MED24: variants seen among roughly 807,000 people sequenced by gnomAD.
The protein encoded by MED24 is mediator of RNA polymerase II transcription subunit 24.
Under a neutral mutation model 118.8 loss-of-function variants are expected in MED24, and 74 were observed. The ratio of observed to expected loss-of-function variants is 0.62; its 90% CI spans 0.52 to 0.76. The LOEUF (loss-of-function observed/expected upper bound fraction) is 0.76, where lower values mean the gene tolerates loss of function less well. Ranked by LOEUF, MED24 falls within the 30% of genes least tolerant of loss-of-function variation. The pLI is 0.00. For synonymous variants in MED24, 521 were observed against 523.9 expected (o/e 0.99, Z 0.08); for missense variants, 1,041 against 1,278.9 (o/e 0.81, Z 2.84).
In MED24 at chr17:40,032,807, C is replaced by T. The variant is rs767009097; in HGVS notation, c.823-45G>A. On this transcript the variant is annotated intron_variant, in intron 8 of 25. Transcript: ENST00000394128. The stretch of plus-strand genomic sequence containing the variant: ...TGAGGCCTAAGAGGGTGCCCATACC[C>T]CGTCACCCTTCTGTGGACTCTGAGG... 1.8e-5 allele frequency: 28 copies of T among 1,525,318 alleles called. No homozygotes were observed. In the South Asian group the frequency reaches 2.8e-4, roughly 15 times the overall value. The allele number at this position is 1,525,318 out of a possible 1,614,324, so 94.5% of individuals were successfully genotyped here. A position where few individuals can be genotyped will look rare whatever the true frequency, so the allele number is the denominator to read the frequency against.
At position 40,028,882 on chromosome 17, in the gene MED24, C is replaced by T; in HGVS notation, c.1353G>A (p.Leu451=). The change falls in exon 14 of 26, where the codon CTG becomes CTA. Residue 451 remains leucine, a synonymous_variant. Transcript: ENST00000394128. ...TTCCAGTGGCGGCGGCGGCAGCCAG[C>T]AGCAAGTCCAGACTCTTCCCGGACA... The part of the protein sequence containing the change: ...HMLSGKSLDL[L]LAAAAATGKL... 6.2e-7 allele frequency: 1 copy of T among 1,614,124 alleles called. No individual in the cohort carries two copies. Among genetic ancestry groups the T allele is most frequent in the Non-Finnish European group, 8.5e-7 (1 of 1,179,974 alleles).
rs536904931 is a variant in MED24 at position 40,027,506 on chromosome 17, G to T, written c.1448-41C>A. 6.4e-6 allele frequency: 10 copies of T among 1,564,918 alleles called. No homozygotes were observed. In the African/African-American group the frequency reaches 9.5e-5, roughly 15 times the overall value. The stretch of plus-strand genomic sequence containing the variant: ...AAGGCTGAGCTCCCAGACGAGGGCA[G>T]GGGGGAGCCCGTGTCTGGGTTGACA... On this transcript the variant is annotated intron_variant, in intron 15 of 25. Transcript: ENST00000394128.
chr17:40,027,901 T>C lies in MED24; in HGVS notation c.1447+8A>G. On this transcript the variant is annotated splice_region_variant and intron_variant, in intron 15 of 25. Transcript: ENST00000394128. ...CACTGGGCCTGCGGATGCACAGGGC[T>C]GACTTACTGCTTTCTTCGCTGCCAT... 1 of 1,613,214 alleles carries C rather than the reference T, an allele frequency of 6.2e-7. No homozygotes were observed. The highest frequency in any genetic ancestry group is 1.1e-5 in the South Asian group (1 of 91,070).
rs756287867 is a variant in MED24 at position 40,033,044 on chromosome 17, G to A, written c.822+12C>T. On this transcript the variant is annotated intron_variant, in intron 8 of 25. Coordinates refer to ENST00000394128, the MANE Select transcript of MED24 (RefSeq NM_014815.4). This position sits in a 1 kb window ranked among gnomAD's most constrained non-coding sequence, Gnocchi z 5.2. Reference sequence around the variant, plus strand: ...TGCCTTGGAGAAGGGAGAGCCACTCGGCCCCTCCCACCTGCATGCGCTTCA... The same window carrying A: ...TGCCTTGGAGAAGGGAGAGCCACTCAGCCCCTCCCACCTGCATGCGCTTCA... 35 of 1,613,008 alleles carry A rather than the reference G, an allele frequency of 2.2e-5. No homozygotes were observed. The Admixed American group carries it at 4.2e-4, about 19-fold the overall frequency.
At chr17:40,047,053 A>G (rs912164924) in intron 3 of MED24, among the ~76,000 whole-genome samples, 3 of 151,888 alleles carry the variant, frequency 2.0e-5, no homozygotes, top group African/African-American at 7.3e-5. Context: ...GGCTACAGGA[A>G]GCTGTGATCC....
intron 23 of MED24, among the ~76,000 whole-genome samples, chr17:40,021,631 C>G (rs1982016949): frequency 6.6e-6 from 1 of 152,188 alleles, no homozygotes; most frequent in East Asian, 1.9e-4. Flanking sequence ...CAGGCTGTGC[C>G]TGAGGCAGTG....
chr17:40,028,069 A>T lies in MED24; in HGVS notation c.1410-123T>A, dbSNP rs187179008. ...TGAGTTACTGGTTAAACTTAAAATG[A>T]GACACATTGCTATAGAAAAAAGGTT... is the stretch of plus-strand genomic sequence containing the variant. On this transcript the variant is annotated intron_variant, in intron 14 of 25. Transcript: ENST00000394128. The T allele has an allele frequency of 2.1e-4, 209 of 988,676 alleles. No individual in the cohort carries two copies. In the African/African-American group the frequency reaches 3.0e-3, roughly 14 times the overall value. 61.2% of individuals were successfully genotyped at this position (988,676 alleles called of 1,614,324 possible).
chr17:40,026,351 G>A lies in MED24; in HGVS notation c.1810-20C>T, dbSNP rs1982641501. ...GATTTTCTAGGGGAGACGGAAAGGTGATGGGCTACCATCTATCTCCCTTTC... is the reference window on the plus strand; with the variant it reads ...GATTTTCTAGGGGAGACGGAAAGGTAATGGGCTACCATCTATCTCCCTTTC... On this transcript the variant is annotated intron_variant, in intron 18 of 25. Transcript: ENST00000394128. 3 of 1,608,368 alleles carry A rather than the reference G, an allele frequency of 1.9e-6. No individual in the cohort carries two copies. The highest frequency in any genetic ancestry group is 1.1e-5 in the South Asian group (1 of 90,898).
intron 5 of MED24, 79 bp downstream of exon 5, chr17:40,035,643 C>G: frequency 6.7e-7 from 1 of 1,495,062 alleles, no homozygotes; most frequent in Middle Eastern, 1.8e-4. Flanking sequence ...TGGTCTCGGT[C>G]TGTGTGCTAG....
chr17:40,044,460 C>T (rs1202082857), intron 3 of MED24, among the ~76,000 whole-genome samples: 1 of 151,458 alleles, frequency 6.6e-6, no homozygotes, highest in East Asian at 1.9e-4. Flanking sequence ...GCAGAGGTTG[C>T]AGTGAGCCAA....
At chr17:40,039,676 G>C (rs542544060) in intron 3 of MED24, among the ~76,000 whole-genome samples, 12 of 151,998 alleles carry the variant, frequency 7.9e-5, no homozygotes, top group Admixed American at 2.6e-4. Flanking sequence ...ACAGGGTCTC[G>C]CTCTGTCACC....
chr17:40,026,733 G>A lies in MED24; in HGVS notation c.1723C>T (p.His575Tyr). Residue 575 changes from histidine to tyrosine, a missense_variant, in exon 18 of 26, where the codon CAT (histidine) becomes TAT (tyrosine). Physicochemically the swap from His to Tyr is moderately conservative, Grantham distance 83 (BLOSUM62 2). Transcript: ENST00000394128. ...SEMKLVQMKW[H>Y]EACLSISAAI... ...GCTGAGATGCTGAGACAGGCCTCAT[G>A]CCACTTCATCTGCCTGCGGGTGTGC... 6.2e-7 allele frequency: 1 copy of A among 1,612,060 alleles called. No individual in the cohort carries two copies. The highest frequency in any genetic ancestry group is 1.3e-5 in the African/African-American group (1 of 75,020).
At chr17:40,031,662 C>G (rs544927811) in intron 10 of MED24, 42 bp from the exon 11 acceptor site, 8 of 1,561,540 alleles carry the variant, frequency 5.1e-6, no homozygotes, top group Middle Eastern at 1.7e-4. Context: ...CCAGGGCCAC[C>G]AGGCCCTGAT....
At chr17:40,020,659 G>A (rs1263243283) in intron 23 of MED24, 4 of 399,164 alleles carry the variant, frequency 1.0e-5, no homozygotes, top group South Asian at 4.0e-5. Context: ...TGGTGCCAAC[G>A]CCTGTAGTCC....
intron 10 of MED24, 112 bp from the exon 11 acceptor site, chr17:40,031,732 C>G (rs1326049426): frequency 9.9e-7 from 1 of 1,012,752 alleles, no homozygotes; most frequent in African/African-American, 1.6e-5. Context: ...TGCTTTCTGC[C>G]TGGAGCCTGG....
chr17:40,040,989 C>A (rs1268727960), intron 3 of MED24, among the ~76,000 whole-genome samples: 1 of 151,698 alleles, frequency 6.6e-6, no homozygotes, highest in African/African-American at 2.4e-5. Flanking sequence ...CTCAAGTGAT[C>A]CTCCTACCTC....
intron 3 of MED24, among the ~76,000 whole-genome samples, chr17:40,048,933 G>C (rs1985530657): frequency 6.6e-6 from 1 of 152,128 alleles, no homozygotes; most frequent in Non-Finnish European, 1.5e-5. Context: ...AGGAGGTCCT[G>C]AAAACATGTA....
At chr17:40,032,266 A>T in intron 9 of MED24, 176 bp from the exon 10 acceptor site, 1 of 694,216 alleles carries the variant, frequency 1.4e-6, no homozygotes, top group Non-Finnish European at 2.4e-6. Flanking sequence ...CAGGCCCCTG[A>T]TGCCCCCAGG....
chr17:40,028,092 G>C (rs1982919031), intron 14 of MED24, 146 bp from the exon 15 acceptor site: 1 of 799,248 alleles, frequency 1.3e-6, no homozygotes, highest in East Asian at 2.6e-5. Flanking sequence ...TAGAAAAAAG[G>C]TTTTTGTGGT....
Sources: gnomAD v4.1 joint callset for allele counts (sites outside exome capture counted in the v4.1 genomes callset) on GRCh38, gnomAD v4.1.1 for gene constraint, Gnocchi (gnomAD v3.1) non-coding constraint, MANE v1.5 for transcripts, NCBI Gene and HGNC (gene_info 2026-07-23, HGNC 2026-07-21) for gene names.